The following ATXN7L1 variants were observed in gnomAD, a reference collection of about 807,000 sequenced individuals.
ATXN7L1 encodes the protein ataxin-7-like protein 1.
A neutral mutation model predicts 70.8 loss-of-function variants in ATXN7L1; 15 were observed. That is an observed-to-expected ratio of 0.21 (90% CI 0.14 to 0.33). The LOEUF is 0.33. ATXN7L1 is among the 10% of genes least tolerant of loss of function. The pLI is 1.00. For missense variants in ATXN7L1, 975 were observed against 1,097.1 expected (o/e 0.89, Z 1.57); for synonymous variants, 440 against 445.1 (o/e 0.99, Z 0.14).
rs564793685 is a variant in ATXN7L1 at position 105,819,562 on chromosome 7, C to G, written c.251-30854G>C. 102 of 1,309,764 alleles carry G rather than the reference C, an allele frequency of 7.8e-5. No individual in the cohort carries two copies. In the East Asian group the frequency reaches 2.3e-3, roughly 30 times the overall value. 81.1% of individuals were successfully genotyped at this position (1,309,764 alleles called of 1,614,324 possible). ...CTGGGCCGCCTGGCGGCCATCGTGG[C>G]TAAGTAGGTACTGCTGGGCCGGAAG... On this transcript the variant is annotated intron_variant, in intron 2 of 11. Coordinates refer to ENST00000419735, the MANE Select transcript of ATXN7L1 (RefSeq NM_020725.2).
intron 2 of ATXN7L1, among the ~76,000 whole-genome samples, chr7:105,863,187 T>C (rs1028296339): frequency 5.9e-5 from 9 of 151,666 alleles, no homozygotes; most frequent in African/African-American, 2.2e-4. Context: ...GCCCCTGGAG[T>C]TGCTTGGCAA....
intron 2 of ATXN7L1, among the ~76,000 whole-genome samples, chr7:105,791,571 T>C (rs758675181): frequency 6.6e-6 from 1 of 152,236 alleles, no homozygotes; most frequent in African/African-American, 2.4e-5. Context: ...TTGTAACATA[T>C]ATTCATTTTT....
chr7:105,713,819 T>G (rs1195079709), intron 3 of ATXN7L1, among the ~76,000 whole-genome samples: 1 of 152,172 alleles, frequency 6.6e-6, no homozygotes, highest in Admixed American at 6.5e-5. Flanking sequence ...CATGCAATTT[T>G]CTGGTACCCC....
intron 3 of ATXN7L1, among the ~76,000 whole-genome samples, chr7:105,748,146 T>C (rs1003157271): frequency 1.3e-5 from 2 of 151,332 alleles, no homozygotes; most frequent in Non-Finnish European, 2.9e-5. Context: ...AAGTCTTCTG[T>C]TGATGATTGT....
intron 2 of ATXN7L1, among the ~76,000 whole-genome samples, chr7:105,802,823 G>A (rs1807022264): frequency 6.6e-6 from 1 of 152,136 alleles, no homozygotes; most frequent in Non-Finnish European, 1.5e-5. Context: ...TCCCCTCCCT[G>A]GGCTGCCCAG....
At chr7:105,821,527 T>C (rs1303967260) in intron 2 of ATXN7L1, among the ~76,000 whole-genome samples, 1 of 152,192 alleles carries the variant, frequency 6.6e-6, no homozygotes, top group African/African-American at 2.4e-5. Flanking sequence ...TTGAATGGCG[T>C]AGAAGATTGA....
intron 3 of ATXN7L1, among the ~76,000 whole-genome samples, chr7:105,737,789 G>C (rs560972114): frequency 6.6e-6 from 1 of 152,312 alleles, no homozygotes; most frequent in South Asian, 2.1e-4. Context: ...TGGAGCTGCA[G>C]GTTCCTGCTC....
At position 105,606,745 on chromosome 7, in the gene ATXN7L1, A is replaced by G. The variant is rs1448295362; in HGVS notation, c.*1107T>C. On this transcript the variant is annotated 3_prime_UTR_variant, in exon 12 of 12. Transcript: ENST00000419735. ...CAAAAGCTGATCCATGGGTGTGCTG[A>G]TCCCACCAAGTCCCTGTGGCCCAGG... 1 of 152,206 alleles carries G rather than the reference A, an allele frequency of 6.6e-6. No individual in the cohort carries two copies. The highest frequency in any genetic ancestry group is 1.5e-5 in the Non-Finnish European group (1 of 68,072). 9.4% of individuals were successfully genotyped at this position (152,206 alleles called of 1,614,324 possible). A position where few individuals can be genotyped will look rare whatever the true frequency, so the allele number is the denominator to read the frequency against.
chr7:105,791,683 T>C lies in ATXN7L1; in HGVS notation c.251-2975A>G, dbSNP rs144702451. On this transcript the variant is annotated intron_variant, in intron 2 of 11. Transcript: ENST00000419735. ...GAAAAATACCATTACCAGAAAACTT[T>C]ATTAACACTTCGCATCTCATTTCGA... Among the ~76,000 whole-genome samples the C allele has an allele frequency of 1.7e-3, 260 of 152,310 alleles. 2 individuals are homozygous for C. Among genetic ancestry groups the C allele is most frequent in the Middle Eastern group, 6.8e-3 (2 of 294 alleles).
intron 3 of ATXN7L1, among the ~76,000 whole-genome samples, chr7:105,749,506 A>G (rs1737586801): frequency 6.6e-6 from 1 of 151,510 alleles, no homozygotes; most frequent in South Asian, 2.1e-4. Context: ...AAAAGGGGCC[A>G]CTAAGAGAGG....
At position 105,874,744 on chromosome 7, in the gene ATXN7L1, T is replaced by C. The variant is rs535834652; in HGVS notation, c.250+1068A>G. ...ACAGAAAACCAACCATCTGAAGTGTTGATTCATAAAATGAGTTCCATCTTT... is the reference window on the plus strand; with the variant it reads ...ACAGAAAACCAACCATCTGAAGTGTCGATTCATAAAATGAGTTCCATCTTT... On this transcript the variant is annotated intron_variant, in intron 2 of 11. Transcript: ENST00000419735. Among the ~76,000 whole-genome samples, 157 of 152,358 alleles carry C rather than the reference T, an allele frequency of 1.0e-3. 1 individual carries two copies. The highest frequency in any genetic ancestry group is 4.5e-3 in the Admixed American group (69 of 15,298).
intron 4 of ATXN7L1, among the ~76,000 whole-genome samples, chr7:105,645,970 G>A (rs1798951271): frequency 6.6e-6 from 1 of 150,958 alleles, no homozygotes; most frequent in Non-Finnish European, 1.5e-5. Context: ...TCATGCCACT[G>A]TACTCCCACC....
chr7:105,876,292 T>TCA lies in ATXN7L1; in HGVS notation c.181+84_181+85dup, dbSNP rs1050877592. ...AGGACACCGGGGGCCACTCTCTCTC[T>TCA]CACACACACACTTTTTCCCAGTGGC... On this transcript the variant is annotated intron_variant, in intron 1 of 11. Coordinates refer to ENST00000419735, the MANE Select transcript of ATXN7L1 (RefSeq NM_020725.2). The TCA allele has an allele frequency of 3.5e-6, 5 of 1,420,502 alleles. No homozygotes were observed. In the African/African-American group the frequency reaches 4.3e-5, roughly 12 times the overall value. The allele number at this position is 1,420,502 out of a possible 1,614,324, so 88.0% of individuals were successfully genotyped here. A position where few individuals can be genotyped will look rare whatever the true frequency, so the allele number is the denominator to read the frequency against.
intron 3 of ATXN7L1, among the ~76,000 whole-genome samples, chr7:105,785,223 T>C (rs939179632): frequency 5.3e-5 from 8 of 152,212 alleles, no homozygotes; most frequent in Admixed American, 4.6e-4. Context: ...CCCAGCACTT[T>C]GGGAGGCCAA....
chr7:105,867,622 C>A (rs142616608), intron 2 of ATXN7L1, among the ~76,000 whole-genome samples: 1 of 152,234 alleles, frequency 6.6e-6, no homozygotes, highest in Non-Finnish European at 1.5e-5. Context: ...CCAAATGTAG[C>A]TCAGCGCCAG....
chr7:105,619,140 GTTTTTTTT>G lies in ATXN7L1; in HGVS notation c.1517+1052_1517+1059del, dbSNP rs1191774371. 1.2e-3 allele frequency among the ~76,000 whole-genome samples: 62 copies of G among 49,844 alleles called. 4 individuals carry two copies. The East Asian group carries it at 0.044, about 35-fold the overall frequency. The allele number at this position is 49,844 out of a possible 152,430, so 32.7% of individuals were successfully genotyped here. Reference sequence around the variant, plus strand: ...GTCCACAACCATAATGAAATCTTTAGTTTTTTTTTTTTTTTTTTTTTTTTTGAGACGGA... The same window carrying G: ...GTCCACAACCATAATGAAATCTTTAGTTTTTTTTTTTTTTTTTGAGACGGA... On this transcript the variant is annotated intron_variant, in intron 9 of 11. Transcript: ENST00000419735.
At chr7:105,671,857 T>C (rs1584651149) in intron 3 of ATXN7L1, among the ~76,000 whole-genome samples, 1 of 110,782 alleles carries the variant, frequency 9.0e-6, no homozygotes, top group African/African-American at 3.6e-5. Flanking sequence ...TCCACTGCAC[T>C]CCAGCCTGAA....
intron 4 of ATXN7L1, among the ~76,000 whole-genome samples, chr7:105,664,632 G>A (rs895499729): frequency 1.4e-5 from 2 of 147,592 alleles, no homozygotes; most frequent in Non-Finnish European, 3.0e-5. Flanking sequence ...GTGCAGTGGC[G>A]TGATCTCGGC....
Position 105,729,277 on chromosome 7 carries a change from A to AAATGAATG in ATXN7L1, c.355+59319_355+59326dup, listed in dbSNP as rs529470626. On this transcript the variant is annotated intron_variant, in intron 3 of 11. Coordinates refer to ENST00000419735, the MANE Select transcript of ATXN7L1 (RefSeq NM_020725.2). ...CACAATGAGACTCTGTATCAATAAT[A>AAATGAATG]AATGAATGAATGAATGAATGAATGA... is the stretch of plus-strand genomic sequence containing the variant. Among the ~76,000 whole-genome samples the AAATGAATG allele has an allele frequency of 3.1e-3, 429 of 139,082 alleles. 13 individuals carry two copies. The South Asian group carries it at 0.068, about 22-fold the overall frequency. 91.2% of individuals were successfully genotyped at this position (139,082 alleles called of 152,430 possible). A position where few individuals can be genotyped will look rare whatever the true frequency, so the allele number is the denominator to read the frequency against.
Sources: gnomAD v4.1 joint callset for allele counts (sites outside exome capture counted in the v4.1 genomes callset) on GRCh38, gnomAD v4.1.1 for gene constraint, MANE v1.5 for transcripts, NCBI Gene and HGNC (gene_info 2026-07-23, HGNC 2026-07-21) for gene names.